TEX36: variants seen among roughly 807,000 people sequenced by gnomAD.
TEX36 encodes testis-expressed protein 36.
Under a neutral mutation model 13.6 loss-of-function variants are expected in TEX36, and 12 were observed. The ratio of observed to expected loss-of-function variants is 0.88; its 90% CI spans 0.56 to 1.43. The LOEUF (loss-of-function observed/expected upper bound fraction) is 1.43, where lower values mean the gene tolerates loss of function less well. TEX36 is among the 40% of genes most tolerant of loss of function. The pLI is 0.00. For synonymous variants in TEX36, 93 were observed against 83.0 expected, an observed-to-expected ratio of 1.12 and a Z score of -0.65; for missense variants, 224 against 228.3, an observed-to-expected ratio of 0.98 and a Z score of 0.12.
intron 3 of TEX36, among the ~76,000 whole-genome samples, chr10:125,603,373 C>T (rs1192410090): frequency 3.3e-5 from 5 of 152,238 alleles, no homozygotes; most frequent in East Asian, 1.9e-4. Context: ...ACAGTAAAGC[C>T]CTTGAGCTCC....
intron 3 of TEX36, among the ~76,000 whole-genome samples, chr10:125,634,992 G>C (rs1265307648): frequency 6.6e-6 from 1 of 152,196 alleles, no homozygotes; most frequent in East Asian, 1.9e-4. Context: ...GCTGGGGCCA[G>C]GATGGAATGA....
chr10:125,679,839 C>A (rs1847368195), intron 1 of TEX36, among the ~76,000 whole-genome samples: 1 of 152,180 alleles, frequency 6.6e-6, no homozygotes, highest in Non-Finnish European at 1.5e-5. Flanking sequence ...CTTGACGCCC[C>A]TCCTCTGCCT....
At chr10:125,605,423 A>G (rs774199109) in intron 3 of TEX36, among the ~76,000 whole-genome samples, 1 of 132,222 alleles carries the variant, frequency 7.6e-6, no homozygotes, top group Non-Finnish European at 1.5e-5. Context: ...TAGTGCAGCA[A>G]TGTGGTCAGT....
At chr10:125,618,674 A>G (rs562056187), downstream of TEX36, among the ~76,000 whole-genome samples, 2 of 151,984 alleles carry the variant, frequency 1.3e-5, no homozygotes, top group South Asian at 4.2e-4. Context: ...GGTTCCTGAT[A>G]CCATGGCCTT....
chr10:125,653,462 G>A (rs994832304), downstream of TEX36, among the ~76,000 whole-genome samples: 1 of 118,402 alleles, frequency 8.4e-6, no homozygotes, highest in Non-Finnish European at 1.6e-5. Flanking sequence ...ACAGGGTGGG[G>A]ACCATCACAC....
intron 3 of TEX36, among the ~76,000 whole-genome samples, chr10:125,603,943 T>C (rs1191246549): frequency 6.6e-6 from 1 of 152,090 alleles, no homozygotes; most frequent in Non-Finnish European, 1.5e-5. Context: ...TACTGCACTG[T>C]AAGAACTTGG....
chr10:125,608,828 A>G (rs1265150449), intron 3 of TEX36, among the ~76,000 whole-genome samples: 2 of 152,050 alleles, frequency 1.3e-5, no homozygotes, highest in African/African-American at 2.4e-5. Flanking sequence ...TAATACATGC[A>G]TGGAATAAAA....
intron 3 of TEX36, among the ~76,000 whole-genome samples, chr10:125,598,051 T>C (rs534486367): frequency 1.3e-5 from 2 of 152,286 alleles, no homozygotes; most frequent in East Asian, 1.9e-4. Flanking sequence ...TTTATCTCCA[T>C]GCCAGGGTTA....
chr10:125,585,234 T>C (rs757691748), intron 3 of TEX36, among the ~76,000 whole-genome samples: 20 of 152,094 alleles, frequency 1.3e-4, no homozygotes, highest in Admixed American at 6.5e-4. Flanking sequence ...GAGGAGGAGC[T>C]ATACCATGGA....
At chr10:125,608,451 A>G (rs1846242819) in intron 3 of TEX36, among the ~76,000 whole-genome samples, 1 of 151,774 alleles carries the variant, frequency 6.6e-6, no homozygotes, top group Non-Finnish European at 1.5e-5. Flanking sequence ...CACAAATACT[A>G]TGGGTTGGGA....
At position 125,667,161 on chromosome 10, in the gene TEX36, G is replaced by T. The variant is rs7068548; in HGVS notation, c.52-5184C>A. ...ACAGGAATGTGATCCCAGGGACAGC[G>T]GGGGGCACTGTGCGGTGCAGCGTTG... On this transcript the variant is annotated intron_variant, in intron 1 of 3. Transcript: ENST00000368821. The T allele has an allele frequency of 1.0e-5, 7 of 668,828 alleles. No homozygotes were observed. In the East Asian group the frequency reaches 2.0e-4, roughly 19 times the overall value. 41.4% of individuals were successfully genotyped at this position (668,828 alleles called of 1,614,324 possible).
At chr10:125,583,787 T>C (rs1189365799) in intron 3 of TEX36, among the ~76,000 whole-genome samples, 3 of 152,228 alleles carry the variant, frequency 2.0e-5, no homozygotes, top group East Asian at 3.8e-4. Context: ...TATAGATACA[T>C]AGCCTGGAAG....
chr10:125,667,514 G>A, intron 1 of TEX36: 3 of 731,776 alleles, frequency 4.1e-6, no homozygotes, highest in Non-Finnish European at 7.7e-6. Flanking sequence ...ATGCCACTTG[G>A]TGAAGTCAGC....
At position 125,625,319 on chromosome 10, in the gene TEX36, C is replaced by T. The variant is rs114842959; in HGVS notation, c.265-3674G>A. Among the ~76,000 whole-genome samples, 1,153 of 152,282 alleles carry T rather than the reference C, an allele frequency of 7.6e-3. 17 individuals are homozygous for T. The highest frequency in any genetic ancestry group is 0.026 in the African/African-American group (1,095 of 41,542). Reference sequence around the variant, plus strand: ...GACAGGAACTGAAAATAGTTTAGCACCCCCCACCAAATCCACAAATTTTAC... The same window carrying T: ...GACAGGAACTGAAAATAGTTTAGCATCCCCCACCAAATCCACAAATTTTAC... On this transcript the variant is annotated intron_variant, in intron 3 of 3. Transcript: ENST00000526819.
intron 3 of TEX36, among the ~76,000 whole-genome samples, chr10:125,631,876 C>T (rs2569919): frequency 0.018 from 2,754 of 152,134 alleles, 80 homozygotes; most frequent in African/African-American, 0.063. Flanking sequence ...GCAGGGAGGA[C>T]GAACTTGGTC....
chr10:125,634,679 A>G (rs756845364), intron 3 of TEX36, among the ~76,000 whole-genome samples: 16 of 152,224 alleles, frequency 1.1e-4, no homozygotes, highest in Non-Finnish European at 2.1e-4. Context: ...GCTGCCTGCT[A>G]GAATGGATAG....
At chr10:125,616,225 A>C (rs1846356617) in intron 3 of TEX36, among the ~76,000 whole-genome samples, 1 of 152,020 alleles carries the variant, frequency 6.6e-6, no homozygotes, top group Non-Finnish European at 1.5e-5. Flanking sequence ...TGATCCTTTC[A>C]AAAAACCAGC....
At chr10:125,682,355 G>A in intron 1 of TEX36, among the ~76,000 whole-genome samples, 1 of 152,232 alleles carries the variant, frequency 6.6e-6, no homozygotes, top group East Asian at 1.9e-4. Context: ...GAAAGGGAAA[G>A]TTTTCAAGTG....
chr10:125,680,567 C>T (rs1242963265), intron 1 of TEX36, among the ~76,000 whole-genome samples: 1 of 152,134 alleles, frequency 6.6e-6, no homozygotes, highest in Non-Finnish European at 1.5e-5. Flanking sequence ...AAAAGTCTTT[C>T]CTACCTGGCA....
Sources: gnomAD v4.1 joint callset for allele counts (sites outside exome capture counted in the v4.1 genomes callset) on GRCh38, gnomAD v4.1.1 for gene constraint, MANE v1.5 for transcripts, NCBI Gene and HGNC (gene_info 2026-07-23, HGNC 2026-07-21) for gene names.